IL1RAPL1: variants seen among roughly 807,000 people sequenced by gnomAD.
The protein encoded by IL1RAPL1 is interleukin 1 receptor accessory protein like 1.
A neutral mutation model predicts 48.4 loss-of-function variants in IL1RAPL1; 3 were observed. The ratio of observed to expected loss-of-function variants is 0.06; its 90% confidence interval spans 0.03 to 0.16. The LOEUF is 0.16. Ranked by LOEUF, IL1RAPL1 falls within the 10% of genes least tolerant of loss-of-function variation. IL1RAPL1 has a pLI of 1.00. For synonymous variants in IL1RAPL1, 185 were observed against 187.7 expected, an observed-to-expected ratio of 0.99 and a Z score of 0.12; for missense variants, 349 against 530.6, an observed-to-expected ratio of 0.66 and a Z score of 3.36.
chrX:29,728,041 C>G (rs1927822015), intron 6 of IL1RAPL1, among the ~76,000 whole-genome samples: 1 of 110,741 alleles, frequency 9.0e-6, no homozygotes, highest in African/African-American at 3.3e-5. Context: ...GGGTTCACGC[C>G]ATTCTCCTAC....
intron 1 of IL1RAPL1, among the ~76,000 whole-genome samples, chrX:28,727,934 G>A (rs5943455): frequency 1.9e-5 from 2 of 107,141 alleles, no homozygotes; most frequent in African/African-American, 6.8e-5. Context: ...GTGGGGGAAG[G>A]GGGGAGGGAT....
intron 5 of IL1RAPL1, among the ~76,000 whole-genome samples, chrX:29,534,831 T>C (rs1921164849): frequency 9.2e-6 from 1 of 108,925 alleles, no homozygotes; most frequent in Non-Finnish European, 1.9e-5. Flanking sequence ...TAGCCGGGCG[T>C]GGTGGCGGGC....
At chrX:29,180,217 C>CA (rs751397032) in intron 2 of IL1RAPL1, among the ~76,000 whole-genome samples, 34 of 101,720 alleles carry the variant, frequency 3.3e-4, no homozygotes, top group Middle Eastern at 4.8e-3. Context: ...GAACTACTGT[C>CA]AAAAAAAAAA....
At chrX:29,907,408 A>AAAAT (rs1260263847) in intron 6 of IL1RAPL1, among the ~76,000 whole-genome samples, 1 of 111,444 alleles carries the variant, frequency 9.0e-6, no homozygotes, top group African/African-American at 3.2e-5. Context: ...ACATATTTAT[A>AAAAT]AAATATATAC....
intron 5 of IL1RAPL1, among the ~76,000 whole-genome samples, chrX:29,501,795 GTTTTTTTT>G (rs36045396): frequency 1.7e-4 from 14 of 80,585 alleles, no homozygotes; most frequent in African/African-American, 6.4e-4. Flanking sequence ...GCTTATTTGA[GTTTTTTTT>G]TTTTTTTTTG....
At chrX:29,614,091 T>G (rs1021905321) in intron 5 of IL1RAPL1, among the ~76,000 whole-genome samples, 6 of 111,316 alleles carry the variant, frequency 5.4e-5, no homozygotes, top group Admixed American at 9.6e-5. Flanking sequence ...TGCTATGTTC[T>G]TATATTATGG....
At chrX:28,638,240 A>C (rs1313572286) in intron 1 of IL1RAPL1, among the ~76,000 whole-genome samples, 2 of 111,813 alleles carry the variant, frequency 1.8e-5, no homozygotes, top group Non-Finnish European at 1.9e-5. Context: ...CTAGTCCAGA[A>C]TTAAGGACCT....
At chrX:28,680,051 A>G (rs771879322) in intron 1 of IL1RAPL1, among the ~76,000 whole-genome samples, 2 of 111,688 alleles carry the variant, frequency 1.8e-5, no homozygotes, top group Non-Finnish European at 3.8e-5. Flanking sequence ...CATTTTGGGT[A>G]GTGTGAATAT....
chrX:28,753,487 G>T (rs1601887987), intron 1 of IL1RAPL1, among the ~76,000 whole-genome samples: 1 of 112,000 alleles, frequency 8.9e-6, no homozygotes, highest in Middle Eastern at 4.7e-3. Flanking sequence ...TCTTCCTCCT[G>T]CACTAGGCAT....
chrX:29,857,986 C>T (rs950557439), intron 6 of IL1RAPL1, among the ~76,000 whole-genome samples: 1 of 111,843 alleles, frequency 8.9e-6, no homozygotes, highest in Non-Finnish European at 1.9e-5. Context: ...GGAGTTTCAT[C>T]GCTTGCTTTC....
At chrX:29,806,306 T>G (rs1399405948) in intron 6 of IL1RAPL1, among the ~76,000 whole-genome samples, 2 of 111,656 alleles carry the variant, frequency 1.8e-5, no homozygotes, top group African/African-American at 6.5e-5. Context: ...TCAACCTTGA[T>G]TCAGAGTGAC....
chrX:29,524,379 A>T (rs1602278126), intron 5 of IL1RAPL1, among the ~76,000 whole-genome samples: 1 of 111,222 alleles, frequency 9.0e-6, no homozygotes, highest in Admixed American at 9.6e-5. Flanking sequence ...AGACATATAC[A>T]TTATGGATTT....
intron 5 of IL1RAPL1, among the ~76,000 whole-genome samples, chrX:29,501,681 T>G (rs899986693): frequency 2.7e-5 from 3 of 111,483 alleles, no homozygotes; most frequent in African/African-American, 9.8e-5. Flanking sequence ...GTGTCTATCT[T>G]TATGTCAGCA....
chrX:29,784,696 A>G (rs1445842449), intron 6 of IL1RAPL1, among the ~76,000 whole-genome samples: 4 of 108,085 alleles, frequency 3.7e-5, no homozygotes, highest in African/African-American at 1.3e-4. Context: ...AAAAAAAAAC[A>G]TGATAGTGAG....
intron 3 of IL1RAPL1, among the ~76,000 whole-genome samples, chrX:29,389,130 G>A (rs1056078262): frequency 7.2e-5 from 8 of 110,765 alleles, no homozygotes; most frequent in African/African-American, 2.6e-4. Flanking sequence ...GCCGAGGCAG[G>A]TGGATCACGA....
chrX:29,853,993 G>A (rs1453267275), intron 6 of IL1RAPL1, among the ~76,000 whole-genome samples: 2 of 112,006 alleles, frequency 1.8e-5, no homozygotes, highest in Non-Finnish European at 3.8e-5. Flanking sequence ...GTTTTCATCC[G>A]TGACATGTAA....
chrX:28,748,499 A>C (rs762874126), intron 1 of IL1RAPL1, among the ~76,000 whole-genome samples: 2 of 112,010 alleles, frequency 1.8e-5, no homozygotes, highest in East Asian at 5.6e-4. Context: ...TGTATGTTCA[A>C]CAAAATTTGT....
chrX:29,547,624 C>T lies in IL1RAPL1; in HGVS notation c.704-120806C>T, dbSNP rs758127258. ...CCTATTTTAAAAATACTTTCATCTT[C>T]GGTAGCATTATCTAAACTCTAAATC... On this transcript the variant is annotated intron_variant, in intron 5 of 10. Coordinates refer to ENST00000378993, the MANE Select transcript of IL1RAPL1 (RefSeq NM_014271.4). Among the ~76,000 whole-genome samples the T allele has an allele frequency of 8.7e-4, 97 of 111,402 alleles. 1 individual carries two copies. The highest frequency in any genetic ancestry group is 3.0e-3 in the African/African-American group (92 of 30,804).
chrX:28,814,826 G>T (rs1936842239), intron 2 of IL1RAPL1, among the ~76,000 whole-genome samples: 1 of 108,038 alleles, frequency 9.3e-6, no homozygotes, highest in Non-Finnish European at 1.9e-5. Context: ...TTCTCTCTTA[G>T]CATATCAATT....
Sources: allele counts gnomAD v4.1 joint callset (sites outside exome capture counted in the v4.1 genomes callset), GRCh38; gene constraint gnomAD v4.1.1; transcripts MANE v1.5; gene names NCBI Gene and HGNC (gene_info 2026-07-23, HGNC 2026-07-21).